Variants in PRKCB observed in about 807,000 individuals in gnomAD.
PRKCB encodes protein kinase C beta type.
In PRKCB, 13 loss-of-function variants were observed where a neutral mutation model predicts 81.5. The ratio of observed to expected loss-of-function variants is 0.16; its 90% CI spans 0.10 to 0.25. The LOEUF (loss-of-function observed/expected upper bound fraction) is 0.25. Ranked by LOEUF, PRKCB falls within the 10% of genes least tolerant of loss-of-function variation. PRKCB has a pLI of 1.00. For missense variants in PRKCB, 509 were observed against 875.7 expected (o/e 0.58, Z 5.29); for synonymous variants, 335 against 321.4 (o/e 1.04, Z -0.45).
intron 2 of PRKCB, among the ~76,000 whole-genome samples, chr16:23,897,857 C>A (rs1297613450): frequency 6.6e-6 from 1 of 152,022 alleles, no homozygotes; most frequent in Non-Finnish European, 1.5e-5. Flanking sequence ...ATCCACCCAC[C>A]CATCCATATA....
chr16:23,837,051 T>C (rs1008918064), intron 1 of PRKCB, among the ~76,000 whole-genome samples: 2 of 152,156 alleles, frequency 1.3e-5, no homozygotes, highest in African/African-American at 4.8e-5. Context: ...TCTTTATCTC[T>C]TCTCTTTTCC....
chr16:23,900,738 T>G (rs1193707992), intron 2 of PRKCB, among the ~76,000 whole-genome samples: 2 of 141,260 alleles, frequency 1.4e-5, no homozygotes, highest in African/African-American at 5.4e-5. Context: ...TTTTTTTTTT[T>G]TTTTTTTTTT....
chr16:23,956,671 G>T (rs1252803242), intron 2 of PRKCB, among the ~76,000 whole-genome samples: 2 of 152,146 alleles, frequency 1.3e-5, no homozygotes, highest in African/African-American at 2.4e-5. Flanking sequence ...AACAGCGCAC[G>T]AAAGTGCCTC....
At position 23,866,565 on chromosome 16, in the gene PRKCB, A is replaced by G. The variant is rs531416545; in HGVS notation, c.205+29159A>G. Among the ~76,000 whole-genome samples, 7 of 152,188 alleles carry G rather than the reference A, an allele frequency of 4.6e-5. No individual in the cohort carries two copies. The South Asian group carries it at 1.2e-3, about 27-fold the overall frequency. On this transcript the variant is annotated intron_variant, in intron 2 of 16. Coordinates refer to ENST00000643927, the MANE Select transcript of PRKCB (RefSeq NM_002738.7). Reference sequence around the variant, plus strand: ...CCAAAGTCTGAACTTTCTCCCATGCATATGGCCACTTCCCTGTTGATGAAC... The same window carrying G: ...CCAAAGTCTGAACTTTCTCCCATGCGTATGGCCACTTCCCTGTTGATGAAC...
At chr16:23,987,424 C>T (rs986664537) in intron 2 of PRKCB, among the ~76,000 whole-genome samples, 1 of 150,726 alleles carries the variant, frequency 6.6e-6, no homozygotes. Context: ...GTTTGCTGAT[C>T]GCATCCCTGT....
rs139685194 is a variant in PRKCB, at chr16:24,091,650, G to A, written c.530-1141G>A. Among the ~76,000 whole-genome samples, 1,456 of 151,374 alleles carry A rather than the reference G, an allele frequency of 9.6e-3. 20 individuals are homozygous for A. The highest frequency in any genetic ancestry group is 0.033 in the African/African-American group (1,359 of 41,114). ...TTTTTTGACGGAGTCTCACTCTGTC[G>A]CCCAGGCTGGAGTGCAGTGGCATGA... is the stretch of plus-strand genomic sequence containing the variant. On this transcript the variant is annotated intron_variant, in intron 5 of 16. Transcript: ENST00000643927.
chr16:24,214,568 C>T (rs1445876126), intron 16 of PRKCB, 90 bp from the exon 17 acceptor site: 6 of 1,041,510 alleles, frequency 5.8e-6, no homozygotes, highest in Non-Finnish European at 8.6e-6. Flanking sequence ...GAGAAAAGCA[C>T]ACCCAATTAT....
intron 5 of PRKCB, among the ~76,000 whole-genome samples, chr16:24,065,920 A>G (rs1273639829): frequency 6.6e-6 from 1 of 152,198 alleles, no homozygotes; most frequent in Non-Finnish European, 1.5e-5. Flanking sequence ...TCGGCACTTT[A>G]AATATACCAT....
rs541670873 is a variant in PRKCB at position 23,964,694 on chromosome 16, A to T, written c.206-23814A>T. On this transcript the variant is annotated intron_variant, in intron 2 of 16. Transcript: ENST00000643927. ...ATGAGGTTTTTTTTTTTTTTTTGGC[A>T]GTCTTGCTCTGTCTCCCAGGCTGGA... Among the ~76,000 whole-genome samples, 3 of 140,312 alleles carry T rather than the reference A, an allele frequency of 2.1e-5. No homozygotes were observed. In the East Asian group the frequency reaches 6.3e-4, roughly 29 times the overall value. 92.1% of individuals were successfully genotyped at this position (140,312 alleles called of 152,430 possible).
intron 7 of PRKCB, among the ~76,000 whole-genome samples, chr16:24,111,842 T>C (rs1011414952): frequency 2.0e-5 from 3 of 152,200 alleles, no homozygotes; most frequent in Non-Finnish European, 4.4e-5. Context: ...ATAATCATGA[T>C]GATGCCACTA....
At chr16:24,044,851 C>T (rs996627331) in intron 5 of PRKCB, among the ~76,000 whole-genome samples, 3 of 152,128 alleles carry the variant, frequency 2.0e-5, no homozygotes, top group East Asian at 1.9e-4. Context: ...GGTTAGGTTG[C>T]GTAAAAATAT....
chr16:24,113,018 T>C lies in PRKCB; in HGVS notation c.867T>C (p.Pro289=). The C allele has an allele frequency of 6.2e-7, 1 of 1,613,578 alleles. No homozygotes were observed. Among genetic ancestry groups the C allele is most frequent in the Non-Finnish European group, 8.5e-7 (1 of 1,179,696 alleles). ...AGGAAGGCGAGTACTTCAATGTGCC[T>C]GTGCCACCAGAAGGAAGTGAGGCCA... The part of the protein sequence containing the change: ...SQEEGEYFNV[P]VPPEGSEANE... The change falls in exon 8 of 17, where the codon CCT becomes CCC. Residue 289 remains proline, a synonymous_variant. Coordinates refer to ENST00000643927, the MANE Select transcript of PRKCB (RefSeq NM_002738.7).
chr16:24,106,055 A>G (rs535576870), intron 7 of PRKCB, among the ~76,000 whole-genome samples: 1 of 151,640 alleles, frequency 6.6e-6, no homozygotes, highest in South Asian at 2.1e-4. Context: ...TTTTTTTAAA[A>G]AAACTTTCTG....
chr16:24,037,719 C>A (rs936966160), intron 5 of PRKCB, among the ~76,000 whole-genome samples: 3 of 152,062 alleles, frequency 2.0e-5, no homozygotes, highest in Admixed American at 1.3e-4. Context: ...AAGTCTTCCC[C>A]CTTAATCATA....
At chr16:23,952,637 G>A (rs1964298948) in intron 2 of PRKCB, among the ~76,000 whole-genome samples, 2 of 152,184 alleles carry the variant, frequency 1.3e-5, no homozygotes, top group South Asian at 2.1e-4. Context: ...GGTTGTCCAC[G>A]TGGTTCCCTG....
intron 2 of PRKCB, among the ~76,000 whole-genome samples, chr16:23,882,267 A>T (rs1963136291): frequency 6.6e-6 from 1 of 151,230 alleles, no homozygotes; most frequent in Non-Finnish European, 1.5e-5. Flanking sequence ...GATTTTTAAT[A>T]GAGACAAGGT....
chr16:24,137,278 T>C (rs1201053156), intron 9 of PRKCB, among the ~76,000 whole-genome samples: 2 of 152,122 alleles, frequency 1.3e-5, no homozygotes, highest in Non-Finnish European at 2.9e-5. Flanking sequence ...AGCCCCGAAC[T>C]CCTGGGCTCA....
At chr16:24,042,911 T>C (rs1965720778) in intron 5 of PRKCB, among the ~76,000 whole-genome samples, 1 of 152,066 alleles carries the variant, frequency 6.6e-6, no homozygotes, top group Admixed American at 6.5e-5. Flanking sequence ...CTAATTTTTG[T>C]AGTTTTGTAG....
intron 5 of PRKCB, among the ~76,000 whole-genome samples, chr16:24,049,371 A>C (rs1965812566): frequency 7.6e-6 from 1 of 131,670 alleles, no homozygotes; most frequent in Non-Finnish European, 1.6e-5. Context: ...CTACCCTGGC[A>C]CACCCGGGAC....
Sources: allele counts gnomAD v4.1 joint callset (sites outside exome capture counted in the v4.1 genomes callset), GRCh38; gene constraint gnomAD v4.1.1; transcripts MANE v1.5; gene names NCBI Gene and HGNC (gene_info 2026-07-23, HGNC 2026-07-21).